Variants in NAV3 observed in about 807,000 individuals in gnomAD.
The protein encoded by NAV3 is pore membrane and/or filament interacting like protein 1.
NAV3 carries 87 observed loss-of-function variants against 244.7 expected under a neutral mutation model. The observed-to-expected ratio is 0.36, with a 90% CI of 0.30 to 0.42. The LOEUF (loss-of-function observed/expected upper bound fraction) is 0.42, where lower values mean the gene tolerates loss of function less well. Ranked by LOEUF, NAV3 falls within the 20% of genes least tolerant of loss-of-function variation. The pLI, the probability that NAV3 is intolerant of heterozygous loss-of-function variation, is 1.00. For missense variants in NAV3, 2,663 were observed against 2,893.3 expected (o/e 0.92, Z 1.83); for synonymous variants, 1,126 against 1,042.2 (o/e 1.08, Z -1.55).
At chr12:78,072,905 C>T (rs1313605996) in intron 12 of NAV3, among the ~76,000 whole-genome samples, 2 of 132,820 alleles carry the variant, frequency 1.5e-5, no homozygotes, top group Non-Finnish European at 3.3e-5. Flanking sequence ...TAAATGTAAT[C>T]CAGCATATAA....
In NAV3 at chr12:78,190,335, T is replaced by C. The variant is rs1392004437; in HGVS notation, c.6291+116T>C. Reference sequence around the variant, plus strand: ...GTACATGGAAAAGAATATCCATCTTTTTTTTACTAGAATTGTAACCTGGTG... The same window carrying C: ...GTACATGGAAAAGAATATCCATCTTCTTTTTACTAGAATTGTAACCTGGTG... On this transcript the variant is annotated intron_variant, in intron 34 of 39. Transcript: ENST00000397909. 5 of 823,508 alleles carry C rather than the reference T, an allele frequency of 6.1e-6. No individual in the cohort carries two copies. In the African/African-American group the frequency reaches 8.7e-5, roughly 14 times the overall value. 51.0% of individuals were successfully genotyped at this position (823,508 alleles called of 1,614,324 possible).
intron 1 of NAV3, among the ~76,000 whole-genome samples, chr12:77,912,004 GT>G (rs1201963132): frequency 6.6e-6 from 1 of 151,996 alleles, no homozygotes; most frequent in Non-Finnish European, 1.5e-5. Flanking sequence ...AGCAAGATTT[GT>G]TTTTCACCAA....
intron 3 of NAV3, among the ~76,000 whole-genome samples, chr12:77,946,813 A>G (rs577324037): frequency 6.6e-6 from 1 of 152,176 alleles, no homozygotes; most frequent in East Asian, 1.9e-4. Context: ...AAAATGTTAG[A>G]CATGTAGGGT....
At chr12:78,059,533 C>T (rs571689757) in intron 12 of NAV3, among the ~76,000 whole-genome samples, 7 of 152,070 alleles carry the variant, frequency 4.6e-5, no homozygotes, top group African/African-American at 7.2e-5. Flanking sequence ...GTGATCCACC[C>T]GCCTCGGCCT....
intron 2 of NAV3, among the ~76,000 whole-genome samples, chr12:77,653,639 T>C (rs1045241932): frequency 1.3e-5 from 2 of 152,318 alleles, no homozygotes; most frequent in East Asian, 1.9e-4. Flanking sequence ...TGGATCATTT[T>C]CTTGAGTTTC....
chr12:77,768,812 C>T (rs1520738), intron 2 of NAV3, among the ~76,000 whole-genome samples: 143,654 of 152,314 alleles, frequency 0.94, 68,353 homozygotes, highest in East Asian at 1. Context: ...CCTGCCAGCT[C>T]CATGGAGTGT....
chr12:77,649,847 T>C (rs1259961205), intron 2 of NAV3, among the ~76,000 whole-genome samples: 1 of 152,178 alleles, frequency 6.6e-6, no homozygotes, highest in African/African-American at 2.4e-5. Flanking sequence ...GTTTATACTT[T>C]GCAATAGTTT....
intron 24 of NAV3, among the ~76,000 whole-genome samples, chr12:78,169,483 A>G (rs759574659): frequency 1.3e-5 from 2 of 151,730 alleles, no homozygotes; most frequent in Non-Finnish European, 2.9e-5. Context: ...AGAAATGCTC[A>G]TTATTAATAT....
At chr12:78,055,435 A>G (rs1366861140) in intron 11 of NAV3, among the ~76,000 whole-genome samples, 1 of 152,232 alleles carries the variant, frequency 6.6e-6, no homozygotes, top group Non-Finnish European at 1.5e-5. Flanking sequence ...ATACATGCAT[A>G]ATATGTTAAC....
Position 78,199,347 on chromosome 12 carries a change from T to G in NAV3, c.6531T>G (p.Cys2177Trp). ...TTTCTTTTTGTAGGTGGGTATTATG[T>G]GCAAATCATACAGAACCAGTGAAAG... ...ELHHNFRWVLCANHTEPVKGF... is the reference protein window; with the variant it reads ...ELHHNFRWVLWANHTEPVKGF... Residue 2177 changes from cysteine (C) to tryptophan (W), a missense_variant, in exon 37 of 40, where the codon TGT (cysteine) becomes TGG (tryptophan). Cys to Trp is a radical substitution (Grantham distance 215, BLOSUM62 -2). Coordinates refer to ENST00000397909, the MANE Select transcript of NAV3 (RefSeq NM_001024383.2). 1 of 1,602,890 alleles carries G rather than the reference T, an allele frequency of 6.2e-7. No individual in the cohort carries two copies. Among genetic ancestry groups the G allele is most frequent in the Non-Finnish European group, 8.5e-7 (1 of 1,176,400 alleles).
At chr12:77,707,052 T>TC (rs1324677800) in intron 2 of NAV3, among the ~76,000 whole-genome samples, 55 of 148,686 alleles carry the variant, frequency 3.7e-4, no homozygotes, top group Admixed American at 8.6e-4. Context: ...TGCTACCTTT[T>TC]TTTTCTTTCT....
intron 12 of NAV3, among the ~76,000 whole-genome samples, chr12:78,064,426 T>TCTGCTTGC (rs1884739880): frequency 7.3e-6 from 1 of 136,194 alleles, no homozygotes; most frequent in Admixed American, 7.6e-5. Context: ...TGTCTGTCTG[T>TCTGCTTGC]CTGCCTGCCT....
chr12:78,081,525 C>T (rs1953352820), intron 12 of NAV3, among the ~76,000 whole-genome samples: 1 of 152,194 alleles, frequency 6.6e-6, no homozygotes, highest in Non-Finnish European at 1.5e-5. Context: ...GTCCATCTTG[C>T]TGGCAGTCTC....
At chr12:78,192,559 C>T (rs958944083) in intron 34 of NAV3, among the ~76,000 whole-genome samples, 5 of 151,682 alleles carry the variant, frequency 3.3e-5, no homozygotes, top group Non-Finnish European at 7.4e-5. Flanking sequence ...GTGCCCACCA[C>T]CACACCCAGC....
In NAV3 at chr12:77,931,397, A is replaced by G. The variant is rs556147050; in HGVS notation, c.244-8922A>G. 2.0e-4 allele frequency among the ~76,000 whole-genome samples: 7 copies of G among 34,644 alleles called. No individual in the cohort carries two copies. The South Asian group carries it at 4.0e-3, about 20-fold the overall frequency. 22.7% of individuals were successfully genotyped at this position (34,644 alleles called of 152,430 possible). A position where few individuals can be genotyped will look rare whatever the true frequency, so the allele number is the denominator to read the frequency against. ...CATCCGCTGAGGAATGCAACTTCTCATTTCTAGGGTATTAATTTTAATTTC... is the reference window on the plus strand; with the variant it reads ...CATCCGCTGAGGAATGCAACTTCTCGTTTCTAGGGTATTAATTTTAATTTC... On this transcript the variant is annotated intron_variant, in intron 1 of 39. Coordinates refer to ENST00000397909, the MANE Select transcript of NAV3 (RefSeq NM_001024383.2).
intron 2 of NAV3, among the ~76,000 whole-genome samples, chr12:77,772,560 A>C (rs1870148505): frequency 6.6e-6 from 1 of 152,212 alleles, no homozygotes; most frequent in Non-Finnish European, 1.5e-5. Flanking sequence ...AGGAGATGCT[A>C]GTTAGCAGGT....
At chr12:78,177,362 TTA>T (rs761218716) in intron 27 of NAV3, 49 bp downstream of exon 27, 5 of 1,571,066 alleles carry the variant, frequency 3.2e-6, no homozygotes, top group Non-Finnish European at 2.6e-6. Flanking sequence ...AAAAACAATT[TTA>T]GATGAAGGCC....
At chr12:77,978,686 G>A (rs974886086) in intron 5 of NAV3, among the ~76,000 whole-genome samples, 18 of 151,668 alleles carry the variant, frequency 1.2e-4, no homozygotes, top group African/African-American at 4.4e-4. Context: ...TAAAAAAGCA[G>A]ATTAATAAAG....
chr12:77,584,506 C>T (rs755781445), intron 2 of NAV3, among the ~76,000 whole-genome samples: 1 of 152,006 alleles, frequency 6.6e-6, no homozygotes, highest in Non-Finnish European at 1.5e-5. Flanking sequence ...GCTGTCTTTA[C>T]ATACCCATGT....
Sources: allele counts gnomAD v4.1 joint callset (sites outside exome capture counted in the v4.1 genomes callset), GRCh38; gene constraint gnomAD v4.1.1; transcripts MANE v1.5; gene names NCBI Gene and HGNC (gene_info 2026-07-23, HGNC 2026-07-21).